KCMF1: variants seen among roughly 807,000 people sequenced by gnomAD.
KCMF1 encodes potassium channel modulatory factor 1, also known as E3 ubiquitin-protein ligase KCMF1.
A neutral mutation model predicts 41.1 loss-of-function variants in KCMF1; 3 were observed. The ratio of observed to expected loss-of-function variants is 0.07; its 90% confidence interval spans 0.03 to 0.19. The LOEUF is 0.19. Ranked by LOEUF, KCMF1 falls within the 10% of genes least tolerant of loss-of-function variation. The pLI is 1.00. For synonymous variants in KCMF1, 142 were observed against 164.5 expected (o/e 0.86, Z 1.04); for missense variants, 286 against 488.9 (o/e 0.58, Z 3.91).
intron 1 of KCMF1, among the ~76,000 whole-genome samples, chr2:84,974,487 G>T (rs1673481234): frequency 6.6e-6 from 1 of 151,574 alleles, no homozygotes; most frequent in Non-Finnish European, 1.5e-5. Context: ...AGCATAGAGA[G>T]ATGCTCTAGT....
chr2:85,037,803 C>CT (rs1476482542), intron 3 of KCMF1, among the ~76,000 whole-genome samples: 1 of 152,196 alleles, frequency 6.6e-6, no homozygotes, highest in African/African-American at 2.4e-5. Flanking sequence ...CGGGACCAGA[C>CT]TAATACCCGT....
chr2:85,037,403 A>G (rs542538740), intron 3 of KCMF1, among the ~76,000 whole-genome samples: 1 of 152,324 alleles, frequency 6.6e-6, no homozygotes, highest in African/African-American at 2.4e-5. Flanking sequence ...TTCAGCAGGT[A>G]CAGCCAAGTG....
At position 85,024,326 on chromosome 2, in the gene KCMF1, A is replaced by T. The variant is rs552623639; in HGVS notation, c.17-3563A>T. Among the ~76,000 whole-genome samples the T allele has an allele frequency of 5.9e-5, 9 of 152,282 alleles. No homozygotes were observed. The South Asian group carries it at 1.5e-3, about 25-fold the overall frequency. ...CGTCTCTACTAAAAATACAAAAATT[A>T]GCTGGGCATGGTGCCAGGCGCCTAT... On this transcript the variant is annotated intron_variant, in intron 1 of 6. Coordinates refer to ENST00000409785, the MANE Select transcript of KCMF1 (RefSeq NM_020122.5).
chr2:85,004,425 T>A (rs1262396477), intron 1 of KCMF1, among the ~76,000 whole-genome samples: 1 of 151,810 alleles, frequency 6.6e-6, no homozygotes, highest in Non-Finnish European at 1.5e-5. Flanking sequence ...GGCAGGAGAA[T>A]GGCGTGAACC....
At chr2:85,000,449 A>T (rs1056866194) in intron 1 of KCMF1, among the ~76,000 whole-genome samples, 1 of 152,152 alleles carries the variant, frequency 6.6e-6, no homozygotes, top group African/African-American at 2.4e-5. Context: ...AATCTCAATA[A>T]AATCTAGCAA....
Position 85,056,455 on chromosome 2 carries a change from T to TA in KCMF1, c.*3047dup, listed in dbSNP as rs970003105. ...GAGTTCTCTTGATACGTCCAAGCCTTAGTTTCCAGGAAAAAAGCTAGGCTC... is the reference window on the plus strand; with the variant it reads ...GAGTTCTCTTGATACGTCCAAGCCTTAAGTTTCCAGGAAAAAAGCTAGGCTC... On this transcript the variant is annotated 3_prime_UTR_variant, in exon 7 of 7. Transcript: ENST00000409785. 6.6e-6 allele frequency: 1 copy of TA among 152,152 alleles called. No individual in the cohort carries two copies. Among genetic ancestry groups the TA allele is most frequent in the Non-Finnish European group, 1.5e-5 (1 of 68,028 alleles). 9.4% of individuals were successfully genotyped at this position (152,152 alleles called of 1,614,324 possible).
chr2:85,030,675 A>G (rs550120513), intron 2 of KCMF1, among the ~76,000 whole-genome samples: 2 of 152,302 alleles, frequency 1.3e-5, no homozygotes, highest in Admixed American at 6.5e-5. Context: ...CTCTCAGTCT[A>G]TTCACATTGA....
At chr2:85,006,355 C>T (rs1674473478) in intron 1 of KCMF1, among the ~76,000 whole-genome samples, 1 of 132,332 alleles carries the variant, frequency 7.6e-6, no homozygotes, top group Non-Finnish European at 1.5e-5. Flanking sequence ...GGCTGGAGTG[C>T]AGTGGCGCCA....
chr2:84,995,473 T>C (rs1303466913), intron 1 of KCMF1, among the ~76,000 whole-genome samples: 1 of 152,236 alleles, frequency 6.6e-6, no homozygotes, highest in African/African-American at 2.4e-5. Flanking sequence ...ATACTTCTTA[T>C]TACATCATAC....
At chr2:84,994,979 T>C (rs1228295595) in intron 1 of KCMF1, among the ~76,000 whole-genome samples, 1 of 152,230 alleles carries the variant, frequency 6.6e-6, no homozygotes, top group Non-Finnish European at 1.5e-5. Context: ...GTATTTCTTT[T>C]AAGTGGTGCT....
At chr2:85,043,515 G>A (rs1675590948) in intron 3 of KCMF1, 49 bp from the exon 4 acceptor site, 1 of 1,045,608 alleles carries the variant, frequency 9.6e-7, no homozygotes, top group Admixed American at 1.9e-5. Flanking sequence ...CCAGAAAGAT[G>A]TCTTATTGAC....
chr2:84,992,565 C>A (rs1674067715), intron 1 of KCMF1, among the ~76,000 whole-genome samples: 1 of 152,124 alleles, frequency 6.6e-6, no homozygotes, highest in African/African-American at 2.4e-5. Flanking sequence ...AGAAAAATAG[C>A]TGTCTACCAT....
intron 1 of KCMF1, among the ~76,000 whole-genome samples, chr2:85,027,366 CTTTTTTTT>C (rs934531367): frequency 2.6e-4 from 17 of 65,736 alleles, no homozygotes; most frequent in South Asian, 1.1e-3. Context: ...CTTATCAAGG[CTTTTTTTT>C]TTTTTTTTTT....
chr2:85,009,732 G>A (rs139190809), intron 1 of KCMF1, among the ~76,000 whole-genome samples: 1 of 152,118 alleles, frequency 6.6e-6, no homozygotes, highest in East Asian at 1.9e-4. Context: ...AATAAAATAT[G>A]CACTTTATTC....
chr2:84,982,600 T>C (rs1320247816), intron 1 of KCMF1, among the ~76,000 whole-genome samples: 1 of 151,966 alleles, frequency 6.6e-6, no homozygotes, highest in African/African-American at 2.4e-5. Context: ...GGTTTCGCCA[T>C]GTTGGCCAGG....
intron 1 of KCMF1, among the ~76,000 whole-genome samples, chr2:85,025,735 A>G (rs1675086731): frequency 1.3e-5 from 2 of 151,998 alleles, no homozygotes; most frequent in Admixed American, 1.3e-4. Flanking sequence ...CAGCCACCCG[A>G]GTAGCTGAGA....
chr2:85,047,465 A>G lies in KCMF1; in HGVS notation c.601+1187A>G, dbSNP rs111687274. On this transcript the variant is annotated intron_variant, in intron 5 of 6. Transcript: ENST00000409785. ...CAGAACTGTTATCTATAGCTAATTG[A>G]AAAGACTAAAGAATTAAGCTCTTCT... Among the ~76,000 whole-genome samples the G allele has an allele frequency of 6.4e-3, 968 of 152,284 alleles. 10 individuals are homozygous for G. Among genetic ancestry groups the G allele is most frequent in the African/African-American group, 0.022 (928 of 41,572 alleles).
chr2:84,988,068 T>A (rs867157438), intron 1 of KCMF1, among the ~76,000 whole-genome samples: 11 of 151,590 alleles, frequency 7.3e-5, no homozygotes, highest in Admixed American at 2.0e-4. Flanking sequence ...TAAAAAAAAA[T>A]AAATAAATAC....
At chr2:84,992,287 A>T (rs771047599) in intron 1 of KCMF1, among the ~76,000 whole-genome samples, 9 of 152,150 alleles carry the variant, frequency 5.9e-5, no homozygotes, top group African/African-American at 9.6e-5. Flanking sequence ...ATGGAATCTC[A>T]CTCTGTCGCC....
Sources: gnomAD v4.1 joint callset for allele counts (sites outside exome capture counted in the v4.1 genomes callset) on GRCh38, gnomAD v4.1.1 for gene constraint, MANE v1.5 for transcripts, NCBI Gene and HGNC (gene_info 2026-07-23, HGNC 2026-07-21) for gene names.